The following SLC38A6 variants were observed in gnomAD, a reference collection of about 807,000 sequenced individuals.
SLC38A6 encodes N system amino acid transporter NAT-1.
Under a neutral mutation model 65.0 loss-of-function variants are expected in SLC38A6, and 73 were observed. That is an observed-to-expected ratio of 1.12 (90% CI 0.93 to 1.37). SLC38A6 has a LOEUF of 1.37. Ranked by LOEUF, SLC38A6 falls within the 40% of genes most tolerant of loss-of-function variation. The probability of loss-of-function intolerance (pLI) is 0.00; values close to 1 mark genes in which losing one functional copy is unlikely to be tolerated. For synonymous variants in SLC38A6, 183 were observed against 178.8 expected (o/e 1.02, Z -0.19); for missense variants, 561 against 531.1 (o/e 1.06, Z -0.55).
chr14:61,034,329 T>C (rs1043449964), intron 6 of SLC38A6: 1 of 152,172 alleles, frequency 6.6e-6, no homozygotes, highest in Non-Finnish European at 1.5e-5. Flanking sequence ...TTTTTTCTTT[T>C]AAAGAGTGAA....
At chr14:61,039,285 A>G (rs544944253) in intron 8 of SLC38A6, among the ~76,000 whole-genome samples, 8 of 152,176 alleles carry the variant, frequency 5.3e-5, no homozygotes, top group Non-Finnish European at 1.0e-4. Flanking sequence ...ACCTGTGAGC[A>G]CAGTTTAATC....
chr14:61,018,069 A>T (rs1595097615), intron 4 of SLC38A6, among the ~76,000 whole-genome samples: 1 of 152,226 alleles, frequency 6.6e-6, no homozygotes, highest in Non-Finnish European at 1.5e-5. Flanking sequence ...CATTAAAAAT[A>T]TAAGTAGGTA....
At chr14:61,038,847 C>G (rs894047510) in intron 8 of SLC38A6, among the ~76,000 whole-genome samples, 2 of 152,096 alleles carry the variant, frequency 1.3e-5, no homozygotes, top group African/African-American at 4.8e-5. Context: ...TCTTCTCTCC[C>G]CAGTTGTCTG....
intron 2 of SLC38A6, among the ~76,000 whole-genome samples, chr14:60,983,684 G>A (rs1379780477): frequency 6.6e-6 from 1 of 152,036 alleles, no homozygotes; most frequent in Non-Finnish European, 1.5e-5. Context: ...CAACTTTTAA[G>A]TAACCCAACT....
At chr14:61,068,900 A>T (rs2139951152) in intron 15 of SLC38A6, among the ~76,000 whole-genome samples, 1 of 152,236 alleles carries the variant, frequency 6.6e-6, no homozygotes, top group East Asian at 1.9e-4. Flanking sequence ...CTTTACCTCT[A>T]ATCTGTCACA....
At chr14:61,050,784 G>T (rs1424205257) in intron 13 of SLC38A6, 148 bp downstream of exon 13, 2 of 669,814 alleles carry the variant, frequency 3.0e-6, no homozygotes, top group East Asian at 3.3e-5. Flanking sequence ...CTTCATACTT[G>T]CATATGGCCC....
At chr14:61,062,579 A>C (rs1473998098) in intron 15 of SLC38A6, among the ~76,000 whole-genome samples, 2 of 151,730 alleles carry the variant, frequency 1.3e-5, no homozygotes, top group African/African-American at 4.8e-5. Context: ...CCAGTGCCTC[A>C]GCATACTGAG....
At chr14:60,982,255 C>T (rs570548852) in intron 1 of SLC38A6, 6 of 531,078 alleles carry the variant, frequency 1.1e-5, no homozygotes, top group Non-Finnish European at 2.2e-5. Context: ...TTAGTCATGG[C>T]CCTTCCTGAA....
chr14:61,018,251 T>A (rs969223396), intron 4 of SLC38A6, among the ~76,000 whole-genome samples: 2 of 152,182 alleles, frequency 1.3e-5, no homozygotes, highest in African/African-American at 4.8e-5. Context: ...TAGGTATCAT[T>A]TGTACTGAAG....
At chr14:61,048,948 T>A (rs2042334948) in intron 12 of SLC38A6, among the ~76,000 whole-genome samples, 1 of 152,180 alleles carries the variant, frequency 6.6e-6, no homozygotes, top group African/African-American at 2.4e-5. Context: ...GATTTGGAAA[T>A]AGAATCCAGA....
At chr14:61,076,360 T>A (rs1400654721) in intron 15 of SLC38A6, among the ~76,000 whole-genome samples, 1 of 152,254 alleles carries the variant, frequency 6.6e-6, no homozygotes, top group East Asian at 1.9e-4. Context: ...AATATGACAC[T>A]ACTGAGCTGG....
At chr14:60,998,674 G>A (rs1595001397) in intron 3 of SLC38A6, among the ~76,000 whole-genome samples, 1 of 152,258 alleles carries the variant, frequency 6.6e-6, no homozygotes, top group East Asian at 1.9e-4. Context: ...AGCTAAAAGA[G>A]CACTGTAGCA....
intron 3 of SLC38A6, among the ~76,000 whole-genome samples, chr14:60,992,141 A>G (rs1277515988): frequency 6.6e-6 from 1 of 152,330 alleles, no homozygotes; most frequent in East Asian, 1.9e-4. Flanking sequence ...TTTGAATAAC[A>G]TTATAAACTT....
chr14:61,036,978 G>GTGTC, intron 6 of SLC38A6, 81 bp from the exon 7 acceptor site: 1 of 690,834 alleles, frequency 1.4e-6, no homozygotes, highest in South Asian at 1.6e-5. Context: ...GTGTGTGTGT[G>GTGTC]TGTGTGTGTG....
chr14:60,985,064 G>C (rs1323183344), intron 3 of SLC38A6, among the ~76,000 whole-genome samples: 1 of 152,154 alleles, frequency 6.6e-6, no homozygotes, highest in Non-Finnish European at 1.5e-5. Context: ...GAGTAGAGTA[G>C]ATCATGGGAG....
intron 5 of SLC38A6, among the ~76,000 whole-genome samples, chr14:61,022,736 T>C (rs1198437999): frequency 6.6e-6 from 1 of 152,110 alleles, no homozygotes; most frequent in Non-Finnish European, 1.5e-5. Context: ...ACATTAAAAC[T>C]GAAAAATAAT....
chr14:61,043,274 G>C, intron 9 of SLC38A6, 62 bp downstream of exon 9: 1 of 1,191,744 alleles, frequency 8.4e-7, no homozygotes, highest in South Asian at 1.5e-5. Flanking sequence ...AGAAAAGAAA[G>C]ACTAATGATT....
Position 61,050,604 on chromosome 14 carries a change from G to C in SLC38A6, c.1018G>C (p.Val340Leu). The change falls in exon 13 of 16, where the codon GTG becomes CTG. Residue 340 changes from valine (V) to leucine (L), a missense_variant. Val to Leu is a conservative substitution (Grantham distance 32). Coordinates refer to ENST00000267488, the MANE Select transcript of SLC38A6 (RefSeq NM_153811.3). ...MTVKLCILFAVLLTVPLIHFP... is the reference protein window; with the variant it reads ...MTVKLCILFALLLTVPLIHFP... ...TGTGAAGTTATGCATACTATTTGCT[G>C]TGCTTTTGACAGTCCCTCTAATCCA... is the stretch of plus-strand genomic sequence containing the variant. 6.3e-7 allele frequency: 1 copy of C among 1,596,778 alleles called. No individual in the cohort carries two copies. The highest frequency in any genetic ancestry group is 8.6e-7 in the Non-Finnish European group (1 of 1,168,344).
chr14:61,068,646 C>T (rs1161397494), intron 15 of SLC38A6, among the ~76,000 whole-genome samples: 2 of 152,228 alleles, frequency 1.3e-5, no homozygotes, highest in African/African-American at 2.4e-5. Context: ...ATGGTCATGA[C>T]CGTCTTATGG....
Sources: allele counts gnomAD v4.1 joint callset (sites outside exome capture counted in the v4.1 genomes callset), GRCh38; gene constraint gnomAD v4.1.1; transcripts MANE v1.5; gene names NCBI Gene and HGNC (gene_info 2026-07-23, HGNC 2026-07-21).